NLRP1: variants seen among roughly 807,000 people sequenced by gnomAD.
NLRP1 encodes the protein NACHT, LRR and PYD domains-containing protein 1.
Under a neutral mutation model 136.7 loss-of-function variants are expected in NLRP1, and 94 were observed. The ratio of observed to expected loss-of-function variants is 0.69; its 90% CI spans 0.58 to 0.82. The LOEUF is 0.82. NLRP1 is among the 40% of genes least tolerant of loss of function. NLRP1 has a pLI of 0.00. For missense variants in NLRP1, 1,575 were observed against 1,802.7 expected (o/e 0.87, Z 2.29); for synonymous variants, 690 against 725.1 (o/e 0.95, Z 0.78).
chr17:5,559,664 G>A lies in NLRP1; in HGVS notation c.1032C>T (p.Ala344=), dbSNP rs746701571. Residue 344 remains alanine, a synonymous_variant, in exon 4 of 17, where the codon GCC becomes GCT. Coordinates refer to ENST00000572272, the MANE Select transcript of NLRP1 (RefSeq NM_033004.4). ...TCCCCCAGGCTTCCTTCACCTGCCTGGCCAGTGTTGACTTCCCAATTCCAG... is the reference window on the plus strand; with the variant it reads ...TCCCCCAGGCTTCCTTCACCTGCCTAGCCAGTGTTGACTTCCCAATTCCAG... ...GAAGIGKSTL[A]RQVKEAWGRG... 2.5e-5 allele frequency: 41 copies of A among 1,614,096 alleles called. No homozygotes were observed. Among genetic ancestry groups the A allele is most frequent in the Non-Finnish European group, 3.4e-5 (40 of 1,180,040 alleles).
At chr17:5,575,042 G>A (rs1904869521) in intron 3 of NLRP1, among the ~76,000 whole-genome samples, 2 of 152,080 alleles carry the variant, frequency 1.3e-5, no homozygotes, top group African/African-American at 4.8e-5. Flanking sequence ...AAGTGAAGGA[G>A]AAATAAAATC....
intron 3 of NLRP1, among the ~76,000 whole-genome samples, chr17:5,567,666 C>T (rs1224957531): frequency 6.6e-6 from 1 of 152,030 alleles, no homozygotes; most frequent in African/African-American, 2.4e-5. Flanking sequence ...GAGTAAGTTT[C>T]TTACCTTCAG....
chr17:5,576,191 C>T (rs1214300635), intron 3 of NLRP1, among the ~76,000 whole-genome samples: 2 of 152,182 alleles, frequency 1.3e-5, no homozygotes, highest in Non-Finnish European at 2.9e-5. Context: ...CTAAAATTGA[C>T]ACCCTAACAT....
At chr17:5,543,667 A>AG (rs1478571827) in intron 5 of NLRP1, among the ~76,000 whole-genome samples, 1 of 151,776 alleles carries the variant, frequency 6.6e-6, no homozygotes, top group East Asian at 1.9e-4. Flanking sequence ...AATAAAAAAA[A>AG]AAAAAATGCA....
At chr17:5,533,817 G>A (rs1910674633) in intron 9 of NLRP1, 80 bp downstream of exon 9, 3 of 934,256 alleles carry the variant, frequency 3.2e-6, no homozygotes, top group Admixed American at 3.9e-5. Context: ...CAGGGGCAGA[G>A]GGATGGAGGG....
chr17:5,581,491 T>C (rs1905641757), intron 3 of NLRP1, among the ~76,000 whole-genome samples: 1 of 152,182 alleles, frequency 6.6e-6, no homozygotes, highest in African/African-American at 2.4e-5. Context: ...CTGATGGGCA[T>C]GGGACTAGCT....
rs895453282 is a variant in NLRP1, at chr17:5,533,121, C to T, written c.3134-137G>A. On this transcript the variant is annotated intron_variant, in intron 10 of 16. Coordinates refer to ENST00000572272, the MANE Select transcript of NLRP1 (RefSeq NM_033004.4). ...AGGGAGTGTGTCTGCAGCTTCTGCT[C>T]CTGCTCCATGGCTGCCTGCCTGCTG... is the stretch of plus-strand genomic sequence containing the variant. 4.9e-6 allele frequency: 7 copies of T among 1,430,510 alleles called. No individual in the cohort carries two copies. The East Asian group carries it at 1.5e-4, about 30-fold the overall frequency. 88.6% of individuals were successfully genotyped at this position (1,430,510 alleles called of 1,614,324 possible).
At chr17:5,505,463 G>A (rs936919663) in intron 15 of NLRP1, 1 of 152,450 alleles carries the variant, frequency 6.6e-6, no homozygotes, top group Non-Finnish European at 1.5e-5. Context: ...GCACCTGGCA[G>A]GTGGGATTCC....
chr17:5,562,164 T>G (rs898747727), intron 3 of NLRP1, among the ~76,000 whole-genome samples: 1 of 152,194 alleles, frequency 6.6e-6, no homozygotes, highest in African/African-American at 2.4e-5. Context: ...AGCCCAGCAG[T>G]CCCGCTACTC....
At chr17:5,507,928 G>A (rs142436680) in intron 15 of NLRP1, among the ~76,000 whole-genome samples, 4,746 of 152,224 alleles carry the variant, frequency 0.031, 246 homozygotes, top group African/African-American at 0.11. Flanking sequence ...AAGGTCAGGA[G>A]TTCGAGACCA....
chr17:5,582,868 G>A (rs774912115), intron 1 of NLRP1, 22 bp from the exon 2 acceptor site: 1 of 1,579,174 alleles, frequency 6.3e-7, no homozygotes, highest in Non-Finnish European at 8.6e-7. Context: ...AGACAAAGAG[G>A]TTGGAGACAC....
chr17:5,511,304 C>T (rs746566623), downstream of NLRP1, among the ~76,000 whole-genome samples: 6 of 152,010 alleles, frequency 3.9e-5, no homozygotes, highest in Admixed American at 6.6e-5. Flanking sequence ...TGGTGGTGGG[C>T]GCCTGTAATC....
At chr17:5,527,102 C>G (rs11654563) in intron 12 of NLRP1, among the ~76,000 whole-genome samples, 3 of 152,220 alleles carry the variant, frequency 2.0e-5, no homozygotes, top group Non-Finnish European at 4.4e-5. Context: ...TGGCTGGTCA[C>G]AGCTAGCTAA....
chr17:5,545,360 A>C (rs56018215), intron 5 of NLRP1, among the ~76,000 whole-genome samples: 4 of 115,970 alleles, frequency 3.4e-5, no homozygotes, highest in East Asian at 1.2e-3. Flanking sequence ...ACACACACAG[A>C]CACCCACACA....
At chr17:5,517,158 C>T (rs771729597) in intron 15 of NLRP1, among the ~76,000 whole-genome samples, 3 of 152,072 alleles carry the variant, frequency 2.0e-5, no homozygotes, top group Non-Finnish European at 4.4e-5. Context: ...TTGTGTATGT[C>T]GACATCTGTT....
At chr17:5,567,210 G>A (rs762980645) in intron 3 of NLRP1, among the ~76,000 whole-genome samples, 15 of 151,708 alleles carry the variant, frequency 9.9e-5, no homozygotes, top group Admixed American at 2.0e-4. Flanking sequence ...TTTATTATTT[G>A]TTTTCTGCTT....
At chr17:5,508,858 G>T (rs1327255604) in intron 15 of NLRP1, among the ~76,000 whole-genome samples, 1 of 152,192 alleles carries the variant, frequency 6.6e-6, no homozygotes, top group Non-Finnish European at 1.5e-5. Flanking sequence ...GTATTGTTTG[G>T]ATAATGAGAT....
chr17:5,510,847 A>C (rs1907588378), downstream of NLRP1, among the ~76,000 whole-genome samples: 1 of 152,014 alleles, frequency 6.6e-6, no homozygotes, highest in Non-Finnish European at 1.5e-5. Flanking sequence ...TAGAATATAA[A>C]TTGCTTGAGA....
intron 3 of NLRP1, among the ~76,000 whole-genome samples, chr17:5,564,565 C>A (rs1915112383): frequency 6.6e-6 from 1 of 152,066 alleles, no homozygotes; most frequent in Non-Finnish European, 1.5e-5. Context: ...TATGTATATG[C>A]ACCACGTTTT....
Sources: gnomAD v4.1 joint callset for allele counts (sites outside exome capture counted in the v4.1 genomes callset) on GRCh38, gnomAD v4.1.1 for gene constraint, MANE v1.5 for transcripts, NCBI Gene and HGNC (gene_info 2026-07-23, HGNC 2026-07-21) for gene names.